CLTCL1: variants seen among roughly 807,000 people sequenced by gnomAD.
CLTCL1 encodes clathrin heavy chain like 1.
Under a neutral mutation model 190.0 loss-of-function variants are expected in CLTCL1, and 159 were observed. That is an observed-to-expected ratio of 0.84 (90% CI 0.74 to 0.95). The LOEUF (loss-of-function observed/expected upper bound fraction) is 0.95, where lower values mean the gene tolerates loss of function less well. CLTCL1 is among the 40% of genes least tolerant of loss of function. The pLI is 0.00. For missense variants in CLTCL1, 1,878 were observed against 2,033.4 expected (o/e 0.92, Z 1.47); for synonymous variants, 752 against 769.6 (o/e 0.98, Z 0.38).
intron 27 of CLTCL1, among the ~76,000 whole-genome samples, chr22:19,188,952 G>A (rs922270602): frequency 1.1e-4 from 17 of 151,592 alleles, no homozygotes; most frequent in Non-Finnish European, 2.2e-4. Flanking sequence ...GGCGGGAGAC[G>A]GAGTGCAGTG....
At chr22:19,271,435 T>G (rs544377948) in intron 2 of CLTCL1, among the ~76,000 whole-genome samples, 16 of 152,256 alleles carry the variant, frequency 1.1e-4, no homozygotes, top group Admixed American at 6.5e-4. Flanking sequence ...AGCCCTGCTC[T>G]GCAAGGAGCA....
intron 10 of CLTCL1, among the ~76,000 whole-genome samples, chr22:19,231,908 TTTCTAAACA>T (rs1406475927): frequency 6.6e-6 from 1 of 152,224 alleles, no homozygotes; most frequent in East Asian, 1.9e-4. Flanking sequence ...GCACTTATTA[TTTCTAAACA>T]GTTGTTGGTT....
intron 2 of CLTCL1, among the ~76,000 whole-genome samples, chr22:19,262,184 C>T (rs1418824660): frequency 1.3e-5 from 2 of 151,734 alleles, no homozygotes; most frequent in East Asian, 2.0e-4. Flanking sequence ...TGCCACCAGG[C>T]CCAGCTAATT....
chr22:19,184,662 C>A (rs1197729787), intron 29 of CLTCL1: 1 of 432,400 alleles, frequency 2.3e-6, no homozygotes, highest in South Asian at 1.6e-5. Flanking sequence ...CCAGCCTACC[C>A]TTGCTGACTT....
rs376402561 is a variant in CLTCL1 at position 19,196,505 on chromosome 22, C to T, written c.4025G>A (p.Arg1342His). 63 of 1,614,072 alleles carry T rather than the reference C, an allele frequency of 3.9e-5. No individual in the cohort carries two copies. In the African/African-American group the frequency reaches 6.1e-4, roughly 16 times the overall value. ...MLEHLELFWS[R>H]VNIPKVLRAA... ...ACACGGTACCTTTGGGATGTTGACA[C>T]GGGACCAGAAAAGCTCCAGATGCTC... The change falls in exon 25 of 33, where the codon CGT becomes CAT. Residue 1342 changes from arginine to histidine, a missense_variant. Transcript: ENST00000427926.
chr22:19,196,663 G>T lies in CLTCL1; in HGVS notation c.3874-7C>A. ...CCTCAAAGTAGCCACGATCCTAGCA[G>T]ACCAACAGCCACGCGTGGGGCAGAG... On this transcript the variant is annotated splice_region_variant and splice_polypyrimidine_tract_variant and intron_variant, in intron 24 of 32. Coordinates refer to ENST00000427926, the MANE Select transcript of CLTCL1 (RefSeq NM_007098.4). 1 of 1,610,664 alleles carries T rather than the reference G, an allele frequency of 6.2e-7. No individual in the cohort carries two copies. Among genetic ancestry groups the T allele is most frequent in the South Asian group, 1.1e-5 (1 of 90,640 alleles).
chr22:19,229,864 C>T lies in CLTCL1; in HGVS notation c.1756G>A (p.Glu586Lys). Residue 586 changes from glutamate to lysine, a missense_variant, in exon 11 of 33, where the codon GAG becomes AAG. Glu to Lys is a moderately conservative substitution (Grantham distance 56). Transcript: ENST00000427926. ...AEGLLQTWLL[E>K]MNLVHAPQVA... ...TGGGGTGCATGAACAAGGTTCATCTCCAACAGCCATGTCTGCAGGAGTCCC... is the reference window on the plus strand; with the variant it reads ...TGGGGTGCATGAACAAGGTTCATCTTCAACAGCCATGTCTGCAGGAGTCCC... The T allele has an allele frequency of 2.5e-6, 4 of 1,610,862 alleles. No individual in the cohort carries two copies. Among genetic ancestry groups the T allele is most frequent in the Non-Finnish European group, 3.4e-6 (4 of 1,178,812 alleles).
chr22:19,193,259 T>C (rs2084575401), intron 26 of CLTCL1, among the ~76,000 whole-genome samples: 1 of 152,222 alleles, frequency 6.6e-6, no homozygotes. Flanking sequence ...AACAGGTCCA[T>C]GCAGCATGGC....
Position 19,196,624 on chromosome 22 carries a change from C to G in CLTCL1, c.3906G>C (p.Leu1302=), listed in dbSNP as rs373225202. Residue 1302 remains leucine, a synonymous_variant, in exon 25 of 33, where the codon CTG becomes CTC. Transcript: ENST00000427926. ...GCTCCAGGCCCAGGGCCGCTTCCAA[C>G]AGCAAGATCAGCTCCTCAAAGTAGC... ...DRGYFEELIL[L]LEAALGLERA... 2 of 1,613,406 alleles carry G rather than the reference C, an allele frequency of 1.2e-6. No individual in the cohort carries two copies. The highest frequency in any genetic ancestry group is 2.7e-5 in the African/African-American group (2 of 74,932).
At chr22:19,264,785 T>A (rs1422023711) in intron 2 of CLTCL1, among the ~76,000 whole-genome samples, 5 of 152,046 alleles carry the variant, frequency 3.3e-5, no homozygotes, top group Non-Finnish European at 7.4e-5. Context: ...TGGTGAAATT[T>A]CATGCAATTT....
In CLTCL1 at chr22:19,226,154, G is replaced by C. The variant is rs1487354692; in HGVS notation, c.1947+65C>G. 2.0e-4 allele frequency: 315 copies of C among 1,539,258 alleles called. 1 individual carries two copies. The highest frequency in any genetic ancestry group is 2.7e-4 in the Non-Finnish European group (300 of 1,129,348). On this transcript the variant is annotated intron_variant, in intron 12 of 32. Coordinates refer to ENST00000427926, the MANE Select transcript of CLTCL1 (RefSeq NM_007098.4). ...CACAATCACCAACAGGTGAACACTG[G>C]GGAGCATGTGACATTAATTGCATAG...
At chr22:19,244,351 T>C (rs782406693) in intron 3 of CLTCL1, among the ~76,000 whole-genome samples, 4 of 152,232 alleles carry the variant, frequency 2.6e-5, no homozygotes, top group Non-Finnish European at 4.4e-5. Context: ...AGGCTGCATA[T>C]TGTCTGATTC....
At chr22:19,282,813 G>A (rs940233306) in intron 1 of CLTCL1, among the ~76,000 whole-genome samples, 1 of 151,182 alleles carries the variant, frequency 6.6e-6, no homozygotes, top group Non-Finnish European at 1.5e-5. Flanking sequence ...CCATACGCAG[G>A]AACTAAGTCC....
chr22:19,213,865 AGAT>A, intron 19 of CLTCL1, among the ~76,000 whole-genome samples: 1 of 148,206 alleles, frequency 6.7e-6, no homozygotes, highest in African/African-American at 2.5e-5. Flanking sequence ...GTGATTCTAC[AGAT>A]CTACACTTGT....
chr22:19,250,323 A>C (rs1368849717), intron 3 of CLTCL1, among the ~76,000 whole-genome samples: 3 of 148,146 alleles, frequency 2.0e-5, no homozygotes, highest in African/African-American at 7.4e-5. Flanking sequence ...TCTGGGACTC[A>C]TCTGTTCTTT....
At chr22:19,246,546 G>A (rs529961156) in intron 3 of CLTCL1, among the ~76,000 whole-genome samples, 1 of 151,492 alleles carries the variant, frequency 6.6e-6, no homozygotes, top group Non-Finnish European at 1.5e-5. Flanking sequence ...GCGCGATCTC[G>A]GCTCACTTCA....
intron 2 of CLTCL1, among the ~76,000 whole-genome samples, chr22:19,270,577 A>G (rs573879219): frequency 6.6e-6 from 1 of 151,982 alleles, no homozygotes; most frequent in African/African-American, 2.4e-5. Flanking sequence ...AATACAAAAA[A>G]TTAGCTGGGT....
chr22:19,183,354 CAG>C (rs782767648), intron 30 of CLTCL1, 34 bp downstream of exon 30: 2 of 1,583,056 alleles, frequency 1.3e-6, no homozygotes, highest in African/African-American at 1.3e-5. Context: ...TCATGCCACA[CAG>C]GGGCCGGGGA....
chr22:19,188,650 C>T (rs1402319989), intron 27 of CLTCL1, among the ~76,000 whole-genome samples: 9 of 147,298 alleles, frequency 6.1e-5, no homozygotes, highest in South Asian at 2.1e-4. Flanking sequence ...TCTTGCTCGT[C>T]GCCCACACTG....
Sources: gnomAD v4.1 joint callset for allele counts (sites outside exome capture counted in the v4.1 genomes callset) on GRCh38, gnomAD v4.1.1 for gene constraint, MANE v1.5 for transcripts, NCBI Gene and HGNC (gene_info 2026-07-23, HGNC 2026-07-21) for gene names.